The following PIK3C2G variants were observed in gnomAD, a reference collection of about 807,000 sequenced individuals.
PIK3C2G encodes the protein phosphatidylinositol-4-phosphate 3-kinase catalytic subunit type 2 gamma, also known as phosphatidylinositol 3-kinase C2 domain-containing subunit gamma.
In PIK3C2G, 168 loss-of-function variants were observed where a neutral mutation model predicts 181.1. That is an observed-to-expected ratio of 0.93 (90% CI 0.82 to 1.05). The LOEUF (loss-of-function observed/expected upper bound fraction) is 1.05. Among genes scored for constraint, PIK3C2G ranks in the 50% least tolerant of loss-of-function variants. The probability of loss-of-function intolerance (pLI) is 0.00; values close to 1 mark genes in which losing one functional copy is unlikely to be tolerated. For missense variants in PIK3C2G, 1,869 were observed against 1,732.8 expected, an observed-to-expected ratio of 1.08 and a Z score of -1.40; for synonymous variants, 573 against 592.2, an observed-to-expected ratio of 0.97 and a Z score of 0.47.
chr12:18,633,824 C>T (rs1949469630), intron 31 of PIK3C2G, among the ~76,000 whole-genome samples: 2 of 152,130 alleles, frequency 1.3e-5, no homozygotes, highest in South Asian at 2.1e-4. Flanking sequence ...CCAATGGAAA[C>T]GTTCCTCTCT....
chr12:18,244,088 TA>T (rs1948014377), upstream of PIK3C2G, among the ~76,000 whole-genome samples: 1 of 151,880 alleles, frequency 6.6e-6, no homozygotes, highest in Admixed American at 6.6e-5. Flanking sequence ...AAATAGTGAT[TA>T]AAAATACATT....
rs575458665 is a variant in PIK3C2G, at chr12:18,334,650, C to T, written c.1273-3776C>T. Among the ~76,000 whole-genome samples, 18 of 152,122 alleles carry T rather than the reference C, an allele frequency of 1.2e-4. 1 individual carries two copies. The highest frequency in any genetic ancestry group is 1.8e-4 in the Non-Finnish European group (12 of 67,984). ...TTTTTTCTCTGTCTACATTCTCTCTCGGGACAATCACATTCAAATTTTAGT... is the reference window on the plus strand; with the variant it reads ...TTTTTTCTCTGTCTACATTCTCTCTTGGGACAATCACATTCAAATTTTAGT... On this transcript the variant is annotated intron_variant, in intron 8 of 32. Coordinates refer to ENST00000538779, the MANE Select transcript of PIK3C2G (RefSeq NM_001288772.2).
chr12:18,705,127 CT>C, the PIK3C2G span: 1 of 1,608,800 alleles, frequency 6.2e-7, no homozygotes, highest in Non-Finnish European at 8.5e-7. Context: ...TTTTCATGGA[CT>C]TTTTTCTTAA....
intron 30 of PIK3C2G, among the ~76,000 whole-genome samples, chr12:18,605,365 A>G (rs1164703310): frequency 1.3e-5 from 2 of 152,284 alleles, no homozygotes; most frequent in African/African-American, 4.8e-5. Flanking sequence ...CAGACCAATA[A>G]TAAGCAGTGA....
At chr12:18,250,573 A>G (rs1948086359) in intron 1 of PIK3C2G, among the ~76,000 whole-genome samples, 1 of 152,024 alleles carries the variant, frequency 6.6e-6, no homozygotes, top group South Asian at 2.1e-4. Context: ...TATTCCCTTC[A>G]TTAACATCCA....
At chr12:18,348,342 G>T (rs1939880433) in intron 11 of PIK3C2G, among the ~76,000 whole-genome samples, 1 of 152,008 alleles carries the variant, frequency 6.6e-6, no homozygotes, top group Admixed American at 6.6e-5. Context: ...GTGTGTGTGT[G>T]TGTGTGCGTA....
chr12:18,300,182 AC>A (rs1950115191), intron 5 of PIK3C2G, among the ~76,000 whole-genome samples: 1 of 151,876 alleles, frequency 6.6e-6, no homozygotes, highest in African/African-American at 2.4e-5. Context: ...TTGCTGAGAG[AC>A]TTTTTATTAC....
chr12:18,427,481 G>C (rs945709353), intron 18 of PIK3C2G, among the ~76,000 whole-genome samples: 5 of 133,818 alleles, frequency 3.7e-5, no homozygotes, highest in Non-Finnish European at 6.2e-5. Flanking sequence ...AGCCTGGGCT[G>C]ACAACAGCGA....
At chr12:18,713,627 C>T in the PIK3C2G span, 1 of 152,390 alleles carries the variant, frequency 6.6e-6, no homozygotes, top group South Asian at 2.1e-4. Flanking sequence ...AATTTTAATC[C>T]AAGTAAGCAC....
At chr12:18,673,625 G>A in the PIK3C2G span, among the ~76,000 whole-genome samples, 15 of 152,106 alleles carry the variant, frequency 9.9e-5, no homozygotes, top group Non-Finnish European at 8.8e-5. Flanking sequence ...AAAAGAATAC[G>A]CATTAATTAT....
intron 22 of PIK3C2G, among the ~76,000 whole-genome samples, chr12:18,499,662 G>A (rs564654951): frequency 6.6e-6 from 1 of 152,282 alleles, no homozygotes; most frequent in East Asian, 1.9e-4. Flanking sequence ...CAACCCAAGC[G>A]CACTAAATCA....
chr12:18,411,017 G>C (rs1267214592), intron 16 of PIK3C2G, among the ~76,000 whole-genome samples: 2 of 152,018 alleles, frequency 1.3e-5, no homozygotes, highest in African/African-American at 4.8e-5. Context: ...CTATCCATCA[G>C]GAAATATCTC....
chr12:18,711,612 G>A, the PIK3C2G span, among the ~76,000 whole-genome samples: 1 of 151,182 alleles, frequency 6.6e-6, no homozygotes, highest in Non-Finnish European at 1.5e-5. Context: ...ACTGAGAGAA[G>A]GAGAAGTAGG....
At chr12:18,453,569 G>A (rs1347765841) in intron 18 of PIK3C2G, among the ~76,000 whole-genome samples, 2 of 151,750 alleles carry the variant, frequency 1.3e-5, no homozygotes, top group Non-Finnish European at 2.9e-5. Flanking sequence ...GAGGGGTTAG[G>A]CTTCAGGTTC....
chr12:18,700,930 C>T, the PIK3C2G span, among the ~76,000 whole-genome samples: 1 of 151,994 alleles, frequency 6.6e-6, no homozygotes, highest in South Asian at 2.1e-4. Flanking sequence ...GCATCTTTTG[C>T]ACTTCGCACA....
intron 31 of PIK3C2G, among the ~76,000 whole-genome samples, chr12:18,630,227 C>T (rs919419601): frequency 6.6e-6 from 1 of 151,888 alleles, no homozygotes; most frequent in Admixed American, 6.6e-5. Context: ...CCTGTCTCTA[C>T]TAAAAATATA....
the PIK3C2G span, among the ~76,000 whole-genome samples, chr12:18,662,136 T>C: frequency 6.6e-6 from 1 of 151,960 alleles, no homozygotes; most frequent in East Asian, 1.9e-4. Flanking sequence ...AGATGGAAAG[T>C]GCAAGGAGGG....
chr12:18,723,317 C>T, the PIK3C2G span: 3 of 1,609,492 alleles, frequency 1.9e-6, no homozygotes, highest in South Asian at 1.1e-5. Context: ...ATACCTTCTT[C>T]GATAGGCTCG....
At chr12:18,477,216 C>G (rs1314560613) in intron 18 of PIK3C2G, among the ~76,000 whole-genome samples, 2 of 152,160 alleles carry the variant, frequency 1.3e-5, no homozygotes, top group Non-Finnish European at 2.9e-5. Context: ...TCTCTACATT[C>G]AGTCACCTTG....
Sources: allele counts gnomAD v4.1 joint callset (sites outside exome capture counted in the v4.1 genomes callset), GRCh38; gene constraint gnomAD v4.1.1; transcripts MANE v1.5; gene names NCBI Gene and HGNC (gene_info 2026-07-23, HGNC 2026-07-21).